MAP3K20: variants seen among roughly 807,000 people sequenced by gnomAD.
MAP3K20 encodes mitogen-activated protein kinase kinase kinase 20.
MAP3K20 carries 40 observed loss-of-function variants against 85.7 expected under a neutral mutation model. The ratio of observed to expected loss-of-function variants is 0.47; its 90% confidence interval spans 0.36 to 0.61. MAP3K20 has a LOEUF of 0.61. Among genes scored for constraint, MAP3K20 ranks in the 20% least tolerant of loss-of-function variants. MAP3K20 has a pLI of 0.00. For missense variants in MAP3K20, 817 were observed against 961.7 expected, an observed-to-expected ratio of 0.85 and a Z score of 1.99; for synonymous variants, 325 against 327.7, an observed-to-expected ratio of 0.99 and a Z score of 0.09.
chr2:173,095,239 T>G (rs1459768394), intron 2 of MAP3K20, among the ~76,000 whole-genome samples: 3 of 152,184 alleles, frequency 2.0e-5, no homozygotes, highest in African/African-American at 4.8e-5. Flanking sequence ...GCTGTCATTT[T>G]TTTATGATTT....
Position 173,182,979 on chromosome 2 carries a change from A to G in MAP3K20, c.349+24A>G, listed in dbSNP as rs561712332. ...AGGTAATAATATTTGGTATATTCTT[A>G]TAGAATTAGTGGGGTGCATTTTCCC... is the stretch of plus-strand genomic sequence containing the variant. On this transcript the variant is annotated intron_variant, in intron 4 of 19. Transcript: ENST00000375213. 3.2e-6 allele frequency: 5 copies of G among 1,571,586 alleles called. No individual in the cohort carries two copies. In the East Asian group the frequency reaches 9.1e-5, roughly 28 times the overall value.
intron 2 of MAP3K20, among the ~76,000 whole-genome samples, chr2:173,134,426 A>ATTTTTTTT (rs1457014949): frequency 1.1e-3 from 5 of 4,670 alleles, no homozygotes; most frequent in African/African-American, 2.5e-3. Context: ...ATATATATAT[A>ATTTTTTTT]TATTTTTTTT....
At chr2:173,264,545 CT>C (rs1685368623) in intron 19 of MAP3K20, among the ~76,000 whole-genome samples, 1 of 152,180 alleles carries the variant, frequency 6.6e-6, no homozygotes. Flanking sequence ...AGCAATTCTG[CT>C]TTGGCCAGAA....
intron 2 of MAP3K20, among the ~76,000 whole-genome samples, chr2:173,119,341 G>C (rs920626989): frequency 6.6e-6 from 1 of 152,240 alleles, no homozygotes; most frequent in African/African-American, 2.4e-5. Flanking sequence ...GGTGCTGGGA[G>C]GCTAAAGCTG....
intron 2 of MAP3K20, among the ~76,000 whole-genome samples, chr2:173,134,430 T>A (rs867232961): frequency 2.3e-3 from 49 of 21,182 alleles, no homozygotes; most frequent in African/African-American, 5.9e-3. Flanking sequence ...ATATATATAT[T>A]TTTTTTTTTT....
chr2:173,168,567 A>AGG (rs142081931), intron 2 of MAP3K20, among the ~76,000 whole-genome samples: 57 of 152,294 alleles, frequency 3.7e-4, no homozygotes, highest in Non-Finnish European at 7.1e-4. Context: ...ACATTCCCAA[A>AGG]GGGGAGTCCC....
intron 16 of MAP3K20, among the ~76,000 whole-genome samples, chr2:173,257,024 C>A (rs1685177062): frequency 6.6e-6 from 1 of 151,312 alleles, no homozygotes; most frequent in African/African-American, 2.4e-5. Flanking sequence ...ATTAGCTGAG[C>A]ATGATGGCAC....
At chr2:173,258,588 A>AT in intron 16 of MAP3K20, 111 bp from the exon 17 acceptor site, 1 of 596,364 alleles carries the variant, frequency 1.7e-6, no homozygotes, top group Non-Finnish European at 2.9e-6. Context: ...AAAAAAAAAA[A>AT]GCCACTCCAA....
chr2:173,141,490 A>G (rs1688970069), intron 2 of MAP3K20, among the ~76,000 whole-genome samples: 1 of 152,198 alleles, frequency 6.6e-6, no homozygotes, highest in African/African-American at 2.4e-5. Context: ...AAAGGTCAGT[A>G]TATGTGAAGA....
chr2:173,223,596 A>G (rs1322131841), intron 11 of MAP3K20: 1 of 985,362 alleles, frequency 1.0e-6, no homozygotes, highest in Admixed American at 6.1e-5. Context: ...ACATGCTTAG[A>G]ATGTAAGCTA....
At chr2:173,138,260 T>C (rs947982964) in intron 2 of MAP3K20, among the ~76,000 whole-genome samples, 2 of 152,188 alleles carry the variant, frequency 1.3e-5, no homozygotes, top group Non-Finnish European at 2.9e-5. Context: ...TGAGCTACCG[T>C]GCCTGGCAAA....
chr2:173,224,277 T>C (rs1261051143), intron 11 of MAP3K20: 1 of 985,258 alleles, frequency 1.0e-6, no homozygotes, highest in Admixed American at 6.2e-5. Context: ...AACTTCGGGA[T>C]CCCTGCACTT....
intron 2 of MAP3K20, among the ~76,000 whole-genome samples, chr2:173,113,885 G>A (rs116744389): frequency 0.016 from 2,446 of 152,062 alleles, 51 homozygotes; most frequent in African/African-American, 0.049. Flanking sequence ...GAAATATTCC[G>A]TATATATCTG....
intron 9 of MAP3K20, 142 bp downstream of exon 9, chr2:173,204,012 G>A: frequency 2.8e-6 from 2 of 718,800 alleles, no homozygotes; most frequent in South Asian, 1.8e-5. Flanking sequence ...TGACTGTTAA[G>A]GTTTTCTGTT....
At chr2:173,248,589 A>G (rs1005646786) in intron 16 of MAP3K20, among the ~76,000 whole-genome samples, 2 of 152,228 alleles carry the variant, frequency 1.3e-5, no homozygotes, top group Non-Finnish European at 2.9e-5. Context: ...GAACTAGGCG[A>G]GGTGCTCAGT....
At chr2:173,075,597 T>A (rs1686823073), upstream of MAP3K20, 1 of 274,170 alleles carries the variant, frequency 3.6e-6, no homozygotes, top group Non-Finnish European at 5.6e-6. Context: ...TGGTGTTAAT[T>A]TGTCAAAAAG....
At chr2:173,190,363 A>C (rs1374306299) in intron 5 of MAP3K20, among the ~76,000 whole-genome samples, 3 of 152,190 alleles carry the variant, frequency 2.0e-5, no homozygotes, top group Non-Finnish European at 4.4e-5. Flanking sequence ...ACCCCCTGAG[A>C]GCAAAGACAG....
intron 2 of MAP3K20, among the ~76,000 whole-genome samples, chr2:173,167,208 C>T (rs1689858680): frequency 6.6e-6 from 1 of 151,972 alleles, no homozygotes. Flanking sequence ...AGCCACTGCG[C>T]CCGGCCAACA....
At chr2:173,164,263 A>T (rs1233277401) in intron 2 of MAP3K20, among the ~76,000 whole-genome samples, 1 of 152,066 alleles carries the variant, frequency 6.6e-6, no homozygotes, top group East Asian at 1.9e-4. Flanking sequence ...CTGGTGTGAG[A>T]TGGTATCTCA....
Sources: allele counts gnomAD v4.1 joint callset (sites outside exome capture counted in the v4.1 genomes callset), GRCh38; gene constraint gnomAD v4.1.1; transcripts MANE v1.5; gene names NCBI Gene and HGNC (gene_info 2026-07-23, HGNC 2026-07-21).